The following MMP16 variants were observed in gnomAD, a reference collection of about 807,000 sequenced individuals.
The protein encoded by MMP16 is matrix metallopeptidase 16.
Under a neutral mutation model 67.8 loss-of-function variants are expected in MMP16, and 12 were observed. The observed-to-expected ratio is 0.18, with a 90% CI of 0.11 to 0.29. MMP16 has a LOEUF of 0.29. MMP16 is among the 10% of genes least tolerant of loss of function. The probability of loss-of-function intolerance (pLI) is 1.00; values close to 1 mark genes in which losing one functional copy is unlikely to be tolerated. For missense variants in MMP16, 475 were observed against 765.7 expected (o/e 0.62, Z 4.48); for synonymous variants, 249 against 255.9 (o/e 0.97, Z 0.26).
At chr8:88,244,712 C>T (rs1810084155) in intron 1 of MMP16, among the ~76,000 whole-genome samples, 1 of 152,114 alleles carries the variant, frequency 6.6e-6, no homozygotes, top group Non-Finnish European at 1.5e-5. Context: ...TGAACACAAG[C>T]AGTGTGGCTC....
In MMP16 at chr8:88,045,147, CAAGGTTCTTT is replaced by C. The variant is rs28988868; in HGVS notation, c.1489+1512_1489+1521del. On this transcript the variant is annotated intron_variant, in intron 9 of 9. Transcript: ENST00000286614. ...TCAGCAAGTACTATGATCAGGACTT[CAAGGTTCTTT>C]TTGACTTTGCCTCTGCCTACAGTGT... Among the ~76,000 whole-genome samples the C allele has an allele frequency of 7.8e-4, 119 of 152,266 alleles. 1 individual carries two copies. Among genetic ancestry groups the C allele is most frequent in the African/African-American group, 2.7e-3 (111 of 41,588 alleles).
chr8:88,129,082 G>T (rs1488838107), intron 4 of MMP16, among the ~76,000 whole-genome samples: 4 of 151,738 alleles, frequency 2.6e-5, no homozygotes, highest in African/African-American at 9.7e-5. Flanking sequence ...TGAGTTACTA[G>T]AGTAGGTGTG....
intron 1 of MMP16, among the ~76,000 whole-genome samples, chr8:88,222,426 C>A (rs555371027): frequency 4.6e-5 from 7 of 152,074 alleles, no homozygotes; most frequent in Non-Finnish European, 7.4e-5. Flanking sequence ...GGAGGCATCA[C>A]GCTACCTGAC....
At chr8:88,321,956 G>C (rs1811466597) in intron 1 of MMP16, among the ~76,000 whole-genome samples, 1 of 152,054 alleles carries the variant, frequency 6.6e-6, no homozygotes, top group African/African-American at 2.4e-5. Context: ...ATGTTATATG[G>C]ACACGATATG....
intron 6 of MMP16, among the ~76,000 whole-genome samples, chr8:88,094,528 G>A (rs1808993842): frequency 6.6e-6 from 1 of 151,384 alleles, no homozygotes. Context: ...TCTCCCTTGT[G>A]CTATGTTCTG....
chr8:88,109,527 A>G (rs540518024), intron 6 of MMP16, among the ~76,000 whole-genome samples: 1 of 150,702 alleles, frequency 6.6e-6, no homozygotes, highest in East Asian at 1.9e-4. Context: ...AAAAGGGAAT[A>G]ATACCAAGAA....
At chr8:88,172,968 T>C (rs2129716517) in intron 3 of MMP16, among the ~76,000 whole-genome samples, 1 of 152,288 alleles carries the variant, frequency 6.6e-6, no homozygotes, top group Non-Finnish European at 1.5e-5. Context: ...GGAAATAAAA[T>C]TGATGTCTTA....
intron 6 of MMP16, among the ~76,000 whole-genome samples, chr8:88,086,688 T>G (rs59752174): frequency 1.3e-5 from 2 of 152,014 alleles, no homozygotes; most frequent in East Asian, 1.9e-4. Flanking sequence ...CAGGTTCTTG[T>G]TGAGTATAGG....
rs892352294 is a variant in MMP16, at chr8:88,032,424, A to G, written c.*9037T>C. The G allele has an allele frequency of 6.6e-6, 1 of 152,208 alleles. No individual in the cohort carries two copies. The highest frequency in any genetic ancestry group is 1.5e-5 in the Non-Finnish European group (1 of 68,036). 9.4% of individuals were successfully genotyped at this position (152,208 alleles called of 1,614,324 possible). On this transcript the variant is annotated 3_prime_UTR_variant, in exon 10 of 10. Coordinates refer to ENST00000286614, the MANE Select transcript of MMP16 (RefSeq NM_005941.5). Reference sequence around the variant, plus strand: ...CCTTGACCTTTAATGACGCAACATTATAAGGAGTTAAAAGAGATAGTAGCT... The same window carrying G: ...CCTTGACCTTTAATGACGCAACATTGTAAGGAGTTAAAAGAGATAGTAGCT...
intron 1 of MMP16, among the ~76,000 whole-genome samples, chr8:88,264,727 T>C (rs1053826372): frequency 6.6e-6 from 1 of 152,176 alleles, no homozygotes; most frequent in Admixed American, 6.5e-5. Flanking sequence ...GCACAGCACA[T>C]ACATGATTGC....
At chr8:88,317,700 T>A (rs977419954) in intron 1 of MMP16, among the ~76,000 whole-genome samples, 5 of 152,146 alleles carry the variant, frequency 3.3e-5, no homozygotes, top group African/African-American at 9.7e-5. Flanking sequence ...TGTTAGTTGG[T>A]TTAGAAATAG....
intron 8 of MMP16, among the ~76,000 whole-genome samples, chr8:88,052,998 A>G (rs893563189): frequency 1.3e-5 from 2 of 152,208 alleles, no homozygotes; most frequent in Non-Finnish European, 2.9e-5. Flanking sequence ...CCATGAAACT[A>G]GGAGCTCTGT....
At chr8:88,204,786 G>C (rs1410964180) in intron 1 of MMP16, among the ~76,000 whole-genome samples, 2 of 152,048 alleles carry the variant, frequency 1.3e-5, no homozygotes, top group Admixed American at 6.6e-5. Context: ...TCTCCAATGT[G>C]CCACACTTAC....
intron 1 of MMP16, among the ~76,000 whole-genome samples, chr8:88,291,550 TAAAAA>T (rs1810926428): frequency 6.6e-6 from 1 of 152,128 alleles, no homozygotes; most frequent in Non-Finnish European, 1.5e-5. Context: ...CACTAGAAGT[TAAAAA>T]GTAAACTCAG....
chr8:88,163,349 C>T lies in MMP16; in HGVS notation c.709+4320G>A, dbSNP rs115843600. 7.2e-3 allele frequency among the ~76,000 whole-genome samples: 1,094 copies of T among 152,154 alleles called. 12 individuals carry two copies. The highest frequency in any genetic ancestry group is 0.025 in the African/African-American group (1,046 of 41,524). On this transcript the variant is annotated intron_variant, in intron 4 of 9. Transcript: ENST00000286614. The stretch of plus-strand genomic sequence containing the variant: ...GAATTTAATTTAACGGTTTTGATGT[C>T]TCAGATGACATCTTTATCATAATTT...
chr8:88,129,845 T>C (rs1204421155), intron 4 of MMP16, among the ~76,000 whole-genome samples: 1 of 151,652 alleles, frequency 6.6e-6, no homozygotes, highest in Non-Finnish European at 1.5e-5. Flanking sequence ...ATTGTATATA[T>C]ATATTTCTTT....
chr8:88,313,033 TCA>T (rs1158867629), intron 1 of MMP16, among the ~76,000 whole-genome samples: 1 of 152,214 alleles, frequency 6.6e-6, no homozygotes, highest in African/African-American at 2.4e-5. Flanking sequence ...TTAAAATAAA[TCA>T]CACAGTATGT....
rs576193843 is a variant in MMP16, at chr8:88,056,763, C to T, written c.1223-485G>A. Among the ~76,000 whole-genome samples, 5 of 152,248 alleles carry T rather than the reference C, an allele frequency of 3.3e-5. No homozygotes were observed. In the East Asian group the frequency reaches 9.7e-4, roughly 29 times the overall value. ...TTTTCTCTGATTATGTAAATGTTCACAAGTCTCCCTAGTCTTATACATTCA... is the reference window on the plus strand; with the variant it reads ...TTTTCTCTGATTATGTAAATGTTCATAAGTCTCCCTAGTCTTATACATTCA... On this transcript the variant is annotated intron_variant, in intron 7 of 9. Coordinates refer to ENST00000286614, the MANE Select transcript of MMP16 (RefSeq NM_005941.5).
chr8:88,257,348 G>T (rs1464712477), intron 1 of MMP16, among the ~76,000 whole-genome samples: 1 of 152,204 alleles, frequency 6.6e-6, no homozygotes, highest in African/African-American at 2.4e-5. Flanking sequence ...AGAGAAAGGA[G>T]TAACCTTCCA....
Sources: allele counts gnomAD v4.1 joint callset (sites outside exome capture counted in the v4.1 genomes callset), GRCh38; gene constraint gnomAD v4.1.1; transcripts MANE v1.5; gene names NCBI Gene and HGNC (gene_info 2026-07-23, HGNC 2026-07-21).